Variants in ZAP70 observed in about 807,000 individuals in gnomAD.
ZAP70 encodes the protein tyrosine-protein kinase ZAP-70.
In ZAP70, 27 loss-of-function variants were observed where a neutral mutation model predicts 65.8. The ratio of observed to expected loss-of-function variants is 0.41; its 90% CI spans 0.30 to 0.57. ZAP70 has a LOEUF of 0.57. Ranked by LOEUF, ZAP70 falls within the 20% of genes least tolerant of loss-of-function variation. The pLI, the probability that ZAP70 is intolerant of heterozygous loss-of-function variation, is 0.28. For missense variants in ZAP70, 696 were observed against 870.5 expected (o/e 0.80, Z 2.52); for synonymous variants, 363 against 360.8 (o/e 1.01, Z -0.07).
chr2:97,721,800 G>A (rs1677170929), intron 2 of ZAP70, among the ~76,000 whole-genome samples: 1 of 147,236 alleles, frequency 6.8e-6, no homozygotes, highest in East Asian at 2.0e-4. Flanking sequence ...TTTTTTTTGA[G>A]ATTGCTGTCT....
rs1678060779 is a variant in ZAP70 at position 97,739,553 on chromosome 2, A to C, written c.*55A>C. Reference sequence around the variant, plus strand: ...CCGGCTCTTCCCCACCCTCAGCCCCACCCCAGGTCCTGCAGTCTGGCTGAG... The same window carrying C: ...CCGGCTCTTCCCCACCCTCAGCCCCCCCCCAGGTCCTGCAGTCTGGCTGAG... On this transcript the variant is annotated 3_prime_UTR_variant, in exon 14 of 14. Transcript: ENST00000264972. The C allele has an allele frequency of 1.3e-6, 2 of 1,584,840 alleles. No individual in the cohort carries two copies. The highest frequency in any genetic ancestry group is 1.7e-6 in the Non-Finnish European group (2 of 1,166,376).
chr2:97,718,587 G>A (rs1172528404), intron 2 of ZAP70, among the ~76,000 whole-genome samples: 4 of 152,266 alleles, frequency 2.6e-5, no homozygotes, highest in East Asian at 1.9e-4. Context: ...AAGCTGGGAC[G>A]CAGCCGAGAT....
intron 7 of ZAP70, 62 bp downstream of exon 7, chr2:97,733,405 G>C: frequency 1.9e-6 from 3 of 1,590,722 alleles, no homozygotes; most frequent in African/African-American, 1.3e-5. Context: ...CTGTGGGGGA[G>C]GCTGGGATGG....
At chr2:97,721,435 A>G (rs1458320234) in intron 2 of ZAP70, among the ~76,000 whole-genome samples, 10 of 151,932 alleles carry the variant, frequency 6.6e-5, no homozygotes, top group African/African-American at 2.4e-4. Context: ...TTTTTTTGAG[A>G]CAGAGTCTCA....
chr2:97,755,049 A>G, the ZAP70 span, among the ~76,000 whole-genome samples: 1 of 152,174 alleles, frequency 6.6e-6, no homozygotes, highest in Non-Finnish European at 1.5e-5. Context: ...CTTCATGGGG[A>G]TAGTTTTGAT....
chr2:97,715,617 G>C lies in ZAP70; in HGVS notation c.-22+1623G>C, dbSNP rs1359377010. On this transcript the variant is annotated intron_variant, in intron 2 of 13. Transcript: ENST00000264972. The surrounding 1 kb of genome is among the most constrained non-coding windows in gnomAD (Gnocchi z 4.1). The stretch of plus-strand genomic sequence containing the variant: ...GACCCCGCACCAGCCCAGCTCTCCA[G>C]GGTCTCCTAATAGACATTTGCTGGA... Among the ~76,000 whole-genome samples the C allele has an allele frequency of 2.6e-5, 4 of 152,206 alleles. No individual in the cohort carries two copies. The highest frequency in any genetic ancestry group is 5.9e-5 in the Non-Finnish European group (4 of 68,046).
intron 8 of ZAP70, 200 bp downstream of exon 8, chr2:97,733,795 G>A (rs1412977420): frequency 2.7e-5 from 18 of 665,010 alleles, no homozygotes; most frequent in Admixed American, 2.5e-5. Flanking sequence ...GTGTACTGAC[G>A]TGCAGGGAGC....
At chr2:97,735,212 C>T in intron 9 of ZAP70, 38 bp from the exon 10 acceptor site, 1 of 1,611,074 alleles carries the variant, frequency 6.2e-7, no homozygotes, top group Non-Finnish European at 8.5e-7. Flanking sequence ...AGGGCCGGTG[C>T]CCCTCGCCCA....
chr2:97,739,153 C>G (rs1246722122), intron 13 of ZAP70, among the ~76,000 whole-genome samples: 1 of 152,184 alleles, frequency 6.6e-6, no homozygotes, highest in Non-Finnish European at 1.5e-5. Context: ...TCCCAGCACC[C>G]TGTGTGTGGG....
chr2:97,747,994 A>C, the ZAP70 span, among the ~76,000 whole-genome samples: 107 of 152,162 alleles, frequency 7.0e-4, no homozygotes, highest in African/African-American at 2.5e-3. Flanking sequence ...TCTTGAAGCC[A>C]AGTGTCTAGA....
Position 97,731,396 on chromosome 2 carries a change from T to C in ZAP70, c.564-1487T>C, listed in dbSNP as rs749575431. On this transcript the variant is annotated intron_variant, in intron 4 of 13. Transcript: ENST00000264972. This position sits in a 1 kb window ranked among gnomAD's most constrained non-coding sequence, Gnocchi z 4.0. ...CGGGGTTTCACGTGACGGCGCTGCATCTGCTGTCCCAGCCTACTGTCTCTG... is the reference window on the plus strand; with the variant it reads ...CGGGGTTTCACGTGACGGCGCTGCACCTGCTGTCCCAGCCTACTGTCTCTG... Among the ~76,000 whole-genome samples the C allele has an allele frequency of 6.6e-6, 1 of 152,098 alleles. No individual in the cohort carries two copies. Among genetic ancestry groups the C allele is most frequent in the African/African-American group, 2.4e-5 (1 of 41,404 alleles).
chr2:97,725,939 G>C (rs924147021), intron 4 of ZAP70, among the ~76,000 whole-genome samples: 1 of 152,146 alleles, frequency 6.6e-6, no homozygotes, highest in Admixed American at 6.5e-5. Flanking sequence ...GAGTAAGTGA[G>C]GGGGAGAATG....
At chr2:97,752,370 T>G in the ZAP70 span, among the ~76,000 whole-genome samples, 1 of 152,266 alleles carries the variant, frequency 6.6e-6, no homozygotes, top group Non-Finnish European at 1.5e-5. Context: ...ATGGGTAACA[T>G]CATGAAGAAT....
chr2:97,718,369 A>G (rs1046722109), intron 2 of ZAP70, among the ~76,000 whole-genome samples: 4 of 152,066 alleles, frequency 2.6e-5, no homozygotes, highest in African/African-American at 4.8e-5. Flanking sequence ...TTGCCCCCGG[A>G]CTTTTCATCT....
chr2:97,749,004 CTT>C, the ZAP70 span, among the ~76,000 whole-genome samples: 30 of 114,982 alleles, frequency 2.6e-4, no homozygotes, highest in African/African-American at 1.1e-3. Flanking sequence ...TGACACTTCC[CTT>C]TTTTTTTTTT....
intron 4 of ZAP70, among the ~76,000 whole-genome samples, chr2:97,726,497 C>T (rs1342663354): frequency 6.6e-6 from 1 of 152,256 alleles, no homozygotes; most frequent in African/African-American, 2.4e-5. Flanking sequence ...GAGCCCCTGC[C>T]CAGCAGATCC....
intron 2 of ZAP70, among the ~76,000 whole-genome samples, chr2:97,718,586 C>T (rs544032357): frequency 3.5e-4 from 54 of 152,230 alleles, no homozygotes; most frequent in Middle Eastern, 3.4e-3. Flanking sequence ...GAAGCTGGGA[C>T]GCAGCCGAGA....
downstream of ZAP70, among the ~76,000 whole-genome samples, chr2:97,740,947 G>A (rs1350723376): frequency 1.3e-5 from 2 of 152,232 alleles, no homozygotes; most frequent in Non-Finnish European, 2.9e-5. Flanking sequence ...CCATCATGGA[G>A]GCTGCGAAGA....
In ZAP70 at chr2:97,733,533, G is replaced by A. The variant is rs1467409684; in HGVS notation, c.838-11G>A. 1 of 1,613,526 alleles carries A rather than the reference G, an allele frequency of 6.2e-7. No homozygotes were observed. The highest frequency in any genetic ancestry group is 8.5e-7 in the Non-Finnish European group (1 of 1,179,990). ...CCCCAGCTCAGGCCTTGCTGACCCT[G>A]TGGCCTTTAGCCTCAGAGACGAATC... On this transcript the variant is annotated splice_polypyrimidine_tract_variant and intron_variant, in intron 7 of 13. Transcript: ENST00000264972.
Sources: allele counts gnomAD v4.1 joint callset (sites outside exome capture counted in the v4.1 genomes callset), GRCh38; gene constraint gnomAD v4.1.1; non-coding constraint Gnocchi (gnomAD v3.1); transcripts MANE v1.5; gene names NCBI Gene and HGNC (gene_info 2026-07-23, HGNC 2026-07-21).